The following AATK variants were observed in gnomAD, a reference collection of about 807,000 sequenced individuals.
The protein encoded by AATK is serine/threonine-protein kinase LMTK1.
AATK carries 91 observed loss-of-function variants against 114.3 expected under a neutral mutation model. That is an observed-to-expected ratio of 0.80 (90% CI 0.67 to 0.95). AATK has a LOEUF of 0.95. AATK is among the 40% of genes least tolerant of loss of function. The pLI, the probability that AATK is intolerant of heterozygous loss-of-function variation, is 0.00. For synonymous variants in AATK, 1,075 were observed against 916.5 expected (o/e 1.17, Z -3.12); for missense variants, 2,176 against 1,965.2 (o/e 1.11, Z -2.03).
chr17:81,118,196 T>C lies in AATK; in HGVS notation c.*206A>G. On this transcript the variant is annotated 3_prime_UTR_variant, in exon 14 of 14. Transcript: ENST00000326724. The stretch of plus-strand genomic sequence containing the variant: ...CAAGCCTAAAAGCCCAGACGAATTC[T>C]GCCTCTGGGGCGGAGCATGGCCGAT... 1.7e-6 allele frequency: 1 copy of C among 584,952 alleles called. No individual in the cohort carries two copies. The highest frequency in any genetic ancestry group is 3.0e-6 in the Non-Finnish European group (1 of 330,988). 36.2% of individuals were successfully genotyped at this position (584,952 alleles called of 1,614,324 possible).
chr17:81,144,584 C>T (rs1437003941), intron 1 of AATK, among the ~76,000 whole-genome samples: 1 of 152,280 alleles, frequency 6.6e-6, no homozygotes, highest in Non-Finnish European at 1.5e-5. Flanking sequence ...CCCACCCACT[C>T]TCAGTGCCGC....
rs750856677 is a variant in AATK, at chr17:81,121,468, A to AGGGCATCAG, written c.2459_2467dup (p.Pro820_Ala822dup). The AGGGCATCAG allele has an allele frequency of 2.5e-6, 4 of 1,581,568 alleles. No individual in the cohort carries two copies. The highest frequency in any genetic ancestry group is 2.3e-5 in the East Asian group (1 of 44,006). ...AGTAGCAGGCGTGGGAGAGTCAGGC[A>AGGGCATCAG]GGGCATCAGGGGCGTCGGGGGCACT... On this transcript the variant is annotated inframe_insertion, in exon 11 of 14. Transcript: ENST00000326724.
intron 1 of AATK, among the ~76,000 whole-genome samples, chr17:81,152,745 G>C (rs1201793107): frequency 1.3e-5 from 2 of 152,166 alleles, no homozygotes; most frequent in East Asian, 1.9e-4. Flanking sequence ...CTGATCACCA[G>C]AGAAGATGGA....
chr17:81,129,069 G>T, intron 3 of AATK: 1 of 282,178 alleles, frequency 3.5e-6, no homozygotes, highest in Non-Finnish European at 5.5e-6. Flanking sequence ...TGAGGTCAGC[G>T]GGAGGAAGGG....
rs533990018 is a variant in AATK at position 81,162,635 on chromosome 17, C to T, written c.55+3303G>A. Among the ~76,000 whole-genome samples the T allele has an allele frequency of 2.0e-5, 3 of 152,304 alleles. No individual in the cohort carries two copies. In the East Asian group the frequency reaches 5.8e-4, roughly 29 times the overall value. ...GCTGCCTCCTCTGCCCTCTCCCCAT[C>T]AATAGGCTCATCCTGAGGCCCAGCC... On this transcript the variant is annotated intron_variant, in intron 1 of 13. Coordinates refer to ENST00000326724, the MANE Select transcript of AATK (RefSeq NM_001080395.3).
At chr17:81,125,111 G>A in intron 7 of AATK, 97 bp from the exon 8 acceptor site, 2 of 892,006 alleles carry the variant, frequency 2.2e-6, no homozygotes, top group African/African-American at 1.7e-5. Flanking sequence ...GCCGGGCGGG[G>A]GCATCCAGCA....
chr17:81,120,827 C>T lies in AATK; in HGVS notation c.3109G>A (p.Val1037Ile), dbSNP rs772223177. ...CCGGAAACCCCAGGCCTGAGACAGA[C>T]CTGCTCAGACGGCTGCCCAGTGCTC... ...LPSTGQPSEQ[V>I]CLRPGVSGEA... The change falls in exon 11 of 14, where the codon GTC (valine) becomes ATC (isoleucine). Residue 1037 changes from valine (V) to isoleucine (I), a missense_variant. Transcript: ENST00000326724. 7 of 1,577,220 alleles carry T rather than the reference C, an allele frequency of 4.4e-6. No individual in the cohort carries two copies. Among genetic ancestry groups the T allele is most frequent in the Non-Finnish European group, 6.0e-6 (7 of 1,162,042 alleles).
chr17:81,133,462 G>C (rs774777124), intron 2 of AATK: 2 of 285,596 alleles, frequency 7.0e-6, no homozygotes, highest in Admixed American at 9.7e-5. Flanking sequence ...TGCTGTGCGC[G>C]CTGCAGAATG....
rs1425451243 is a variant in AATK, at chr17:81,166,208, C to T, written c.-216G>A. On this transcript the variant is annotated 5_prime_UTR_variant, in exon 1 of 14. Coordinates refer to ENST00000326724, the MANE Select transcript of AATK (RefSeq NM_001080395.3). The stretch of plus-strand genomic sequence containing the variant: ...GCCCGGCCCTGGCGCCGCGGGGCTC[C>T]GCTGGTGCAGTCCGAAAACGCGGGC... The T allele has an allele frequency of 6.9e-6, 1 of 145,644 alleles. No homozygotes were observed. Among genetic ancestry groups the T allele is most frequent in the East Asian group, 2.3e-4 (1 of 4,412 alleles). The allele number at this position is 145,644 out of a possible 1,614,324, so 9.0% of individuals were successfully genotyped here. A position where few individuals can be genotyped will look rare whatever the true frequency, so the allele number is the denominator to read the frequency against.
intron 2 of AATK, chr17:81,132,106 A>C: frequency 1.8e-6 from 2 of 1,082,118 alleles, no homozygotes; most frequent in South Asian, 2.9e-5. Context: ...CTGCGCTGAG[A>C]GCCAAAGTCT....
chr17:81,138,102 ATACG>A (rs1281141231), intron 1 of AATK, among the ~76,000 whole-genome samples: 2 of 148,744 alleles, frequency 1.3e-5, no homozygotes, highest in South Asian at 2.2e-4. Flanking sequence ...ACGCGGACAC[ATACG>A]TGTGCACACA....
Position 81,118,245 on chromosome 17 carries a change from C to T in AATK, c.*157G>A. On this transcript the variant is annotated 3_prime_UTR_variant, in exon 14 of 14. Transcript: ENST00000326724. ...ATCTACCATCCAGGGCCTCTCATCC[C>T]ACGGGCTTCTCCAGGACACCGCGTG... The T allele has an allele frequency of 1.4e-6, 1 of 692,204 alleles. No homozygotes were observed. The highest frequency in any genetic ancestry group is 1.9e-5 in the South Asian group (1 of 53,290). 42.9% of individuals were successfully genotyped at this position (692,204 alleles called of 1,614,324 possible).
In AATK at chr17:81,119,502, G is replaced by A; in HGVS notation, c.3962C>T (p.Ala1321Val). 1 of 1,524,786 alleles carries A rather than the reference G, an allele frequency of 6.6e-7. No individual in the cohort carries two copies. The highest frequency in any genetic ancestry group is 8.8e-7 in the Non-Finnish European group (1 of 1,138,850). 94.5% of individuals were successfully genotyped at this position (1,524,786 alleles called of 1,614,324 possible). ...AAFAMALDPA[A>V]PAPAAPTPTP... is the part of the protein sequence containing the mutation. ...GGGCGTGGGCGCAGCCGGGGCGGGT[G>A]CGGCCGGGTCTAGGGCCATGGCGAA... is the stretch of plus-strand genomic sequence containing the variant. The change falls in exon 13 of 14, where the codon GCA (alanine) becomes GTA (valine). Residue 1321 changes from alanine (A) to valine (V), a missense_variant. Coordinates refer to ENST00000326724, the MANE Select transcript of AATK (RefSeq NM_001080395.3).
At chr17:81,134,594 C>T in intron 1 of AATK, 93 bp from the exon 2 acceptor site, 1 of 1,481,138 alleles carries the variant, frequency 6.8e-7, no homozygotes, top group Non-Finnish European at 9.1e-7. Context: ...CCTGGACTTG[C>T]TGCATTCCAG....
intron 1 of AATK, among the ~76,000 whole-genome samples, chr17:81,159,453 G>A (rs757440726): frequency 7.9e-5 from 12 of 152,100 alleles, no homozygotes; most frequent in Non-Finnish European, 1.3e-4. Flanking sequence ...CCCGCACCCC[G>A]GAGGTCAGAG....
At position 81,124,987 on chromosome 17, in the gene AATK, G is replaced by A; in HGVS notation, c.783C>T (p.Leu261=). 1.3e-6 allele frequency: 2 copies of A among 1,576,442 alleles called. No individual in the cohort carries two copies. The highest frequency in any genetic ancestry group is 2.3e-5 in the East Asian group (1 of 43,554). The stretch of plus-strand genomic sequence containing the variant: ...CAATCTTCACCGTCAGGTCAGCCGT[G>A]AGCAGGCAGTTCCGCAGGGCCAGGT... ...HSDLALRNCL[L]TADLTVKIGD... Residue 261 remains leucine (L), a synonymous_variant, in exon 8 of 14, where the codon CTC becomes CTT. Transcript: ENST00000326724.
In AATK at chr17:81,141,102, C is replaced by A. The variant is rs190342508; in HGVS notation, c.56-6601G>T. On this transcript the variant is annotated intron_variant, in intron 1 of 13. Transcript: ENST00000326724. ...CCGTGGATGCAAGGGGCTGGAAAGG[C>A]CAGGGGTGGACTCTCCCCAGAGCCC... Among the ~76,000 whole-genome samples the A allele has an allele frequency of 2.0e-5, 3 of 151,942 alleles. No homozygotes were observed. The East Asian group carries it at 5.8e-4, about 29-fold the overall frequency.
At chr17:81,163,431 C>T (rs1465469394) in intron 1 of AATK, among the ~76,000 whole-genome samples, 1 of 152,224 alleles carries the variant, frequency 6.6e-6, no homozygotes, top group African/African-American at 2.4e-5. Flanking sequence ...CCTGCTTTTC[C>T]TGGCCGCCAT....
In AATK at chr17:81,149,002, C is replaced by T. The variant is rs532912221; in HGVS notation, c.56-14501G>A. ...GGGGGTGGAGGTGCCTTGGCCAGGC[C>T]AGTGATGGGGCAGCGACCCAGGCTC... On this transcript the variant is annotated intron_variant, in intron 1 of 13. Coordinates refer to ENST00000326724, the MANE Select transcript of AATK (RefSeq NM_001080395.3). 5.9e-5 allele frequency among the ~76,000 whole-genome samples: 9 copies of T among 152,272 alleles called. No individual in the cohort carries two copies. The South Asian group carries it at 1.9e-3, about 32-fold the overall frequency.
Sources: allele counts gnomAD v4.1 joint callset (sites outside exome capture counted in the v4.1 genomes callset), GRCh38; gene constraint gnomAD v4.1.1; transcripts MANE v1.5; gene names NCBI Gene and HGNC (gene_info 2026-07-23, HGNC 2026-07-21).